PCDHGB1: variants seen among roughly 807,000 people sequenced by gnomAD.
The protein encoded by PCDHGB1 is protocadherin gamma-B1.
Under a neutral mutation model 56.6 loss-of-function variants are expected in PCDHGB1, and 34 were observed. The observed-to-expected ratio is 0.60, with a 90% CI of 0.46 to 0.80. The LOEUF is 0.80. PCDHGB1 is among the 30% of genes least tolerant of loss of function. PCDHGB1 has a pLI of 0.00. For missense variants in PCDHGB1, 1,278 were observed against 1,204.6 expected (o/e 1.06, Z -0.90); for synonymous variants, 561 against 505.9 (o/e 1.11, Z -1.46).
chr5:141,425,478 G>A (rs2096877750), intron 1 of PCDHGB1, among the ~76,000 whole-genome samples: 1 of 152,148 alleles, frequency 6.6e-6, no homozygotes, highest in Admixed American at 6.5e-5. Flanking sequence ...AATTCCTATG[G>A]CAACCTACTA....
chr5:141,491,685 G>A lies in PCDHGB1; in HGVS notation c.2410-3122G>A. 1 of 1,613,164 alleles carries A rather than the reference G, an allele frequency of 6.2e-7. No individual in the cohort carries two copies. The highest frequency in any genetic ancestry group is 8.5e-7 in the Non-Finnish European group (1 of 1,179,646). On this transcript the variant is annotated intron_variant, in intron 1 of 3. Transcript: ENST00000523390. The surrounding 1 kb of genome is among the most constrained non-coding windows in gnomAD (Gnocchi z 6.9). ...CCATCCGGTCCCGCTCTAATACGCTGCGGGAGCGGAGCCAGGTGAGGGGCT... is the reference window on the plus strand; with the variant it reads ...CCATCCGGTCCCGCTCTAATACGCTACGGGAGCGGAGCCAGGTGAGGGGCT...
At chr5:141,390,859 T>C (rs951468573) in intron 1 of PCDHGB1, 3 of 151,114 alleles carry the variant, frequency 2.0e-5, no homozygotes, top group Admixed American at 1.3e-4. Flanking sequence ...CAGTGTACGC[T>C]GTGTGTGCGT....
intron 1 of PCDHGB1, among the ~76,000 whole-genome samples, chr5:141,354,219 T>C (rs535697333): frequency 4.2e-4 from 64 of 152,356 alleles, no homozygotes; most frequent in African/African-American, 1.5e-3. Flanking sequence ...TTTTTATTTC[T>C]TTTTTATTTT....
At chr5:141,414,233 T>A in intron 1 of PCDHGB1, 1 of 1,613,474 alleles carries the variant, frequency 6.2e-7, no homozygotes, top group Non-Finnish European at 8.5e-7. Flanking sequence ...GAGCTGACCA[T>A]CACGTCTCTA....
intron 1 of PCDHGB1, among the ~76,000 whole-genome samples, chr5:141,358,000 G>A (rs1178466478): frequency 6.6e-6 from 1 of 152,102 alleles, no homozygotes; most frequent in African/African-American, 2.4e-5. Context: ...GACCAGTCTG[G>A]GCAACATGGT....
rs1236013576 is a variant in PCDHGB1 at position 141,375,392 on chromosome 5, A to G, written c.2409+22723A>G. On this transcript the variant is annotated intron_variant, in intron 1 of 3. Transcript: ENST00000523390. ...AACACCACCTCTGTCTACAGAAACA[A>G]TCATCTCTCTAAATGTGGCAGACAC... 33 of 1,613,850 alleles carry G rather than the reference A, an allele frequency of 2.0e-5. 1 individual carries two copies. Among genetic ancestry groups the G allele is most frequent in the African/African-American group, 4.0e-5 (3 of 74,932 alleles).
chr5:141,391,780 T>C (rs1004185174), intron 1 of PCDHGB1: 1 of 152,220 alleles, frequency 6.6e-6, no homozygotes, highest in Non-Finnish European at 1.5e-5. Context: ...TAGTCATTAC[T>C]TTTTGCAGTT....
chr5:141,364,962 T>G, intron 1 of PCDHGB1: 1 of 1,613,878 alleles, frequency 6.2e-7, no homozygotes, highest in South Asian at 1.1e-5. Context: ...CACGACCTCC[T>G]CCTCACAGCT....
intron 3 of PCDHGB1, among the ~76,000 whole-genome samples, chr5:141,509,345 G>A (rs1203328830): frequency 6.6e-6 from 1 of 152,196 alleles, no homozygotes; most frequent in Non-Finnish European, 1.5e-5. Flanking sequence ...GGCCTGGGCT[G>A]GCCTGGGCAT....
chr5:141,416,504 C>CA (rs1467352050), intron 1 of PCDHGB1: 4 of 152,040 alleles, frequency 2.6e-5, no homozygotes, highest in African/African-American at 9.7e-5. Context: ...AGATATATGA[C>CA]AAAGCTATTT....
At chr5:141,389,250 A>G (rs1365678326) in intron 1 of PCDHGB1, 16 of 1,614,012 alleles carry the variant, frequency 9.9e-6, no homozygotes, top group Middle Eastern at 1.6e-4. Flanking sequence ...GTCTTCCTAT[A>G]TAGTCCACGT....
intron 1 of PCDHGB1, chr5:141,422,041 G>A (rs371079504): frequency 2.1e-5 from 34 of 1,611,632 alleles, no homozygotes; most frequent in Non-Finnish European, 2.9e-5. Flanking sequence ...GGATCCAGAC[G>A]AGGGAATCAA....
At chr5:141,371,757 G>A in intron 1 of PCDHGB1, 1 of 1,614,002 alleles carries the variant, frequency 6.2e-7, no homozygotes, top group East Asian at 2.2e-5. Flanking sequence ...TTTCCACCAG[G>A]CCTCCTACAC....
At position 141,362,450 on chromosome 5, in the gene PCDHGB1, CG is replaced by C. The variant is rs749881682; in HGVS notation, c.2409+9783del. 9 of 1,614,050 alleles carry C rather than the reference CG, an allele frequency of 5.6e-6. No homozygotes were observed. The African/African-American group carries it at 1.2e-4, about 22-fold the overall frequency. ...GAGTTCAATTTTCTGAACATAACCC[CG>C]GAATTGGTTCCCGCGCAAGATCTCG... On this transcript the variant is annotated intron_variant, in intron 1 of 3. Coordinates refer to ENST00000523390, the MANE Select transcript of PCDHGB1 (RefSeq NM_018922.3).
intron 1 of PCDHGB1, among the ~76,000 whole-genome samples, chr5:141,381,364 G>T (rs1777146369): frequency 6.6e-6 from 1 of 152,216 alleles, no homozygotes; most frequent in Non-Finnish European, 1.5e-5. Context: ...GCAGAGGGTA[G>T]CCTCGGATCC....
At position 141,351,889 on chromosome 5, in the gene PCDHGB1, C is replaced by A. The variant is rs1758860540; in HGVS notation, c.1629C>A (p.Ser543Arg). 1 of 1,613,278 alleles carries A rather than the reference C, an allele frequency of 6.2e-7. No individual in the cohort carries two copies. The highest frequency in any genetic ancestry group is 8.5e-7 in the Non-Finnish European group (1 of 1,179,758). Residue 543 changes from serine (S) to arginine (R), a missense_variant, in exon 1 of 4, where the codon AGC (serine) becomes AGA (arginine). Coordinates refer to ENST00000523390, the MANE Select transcript of PCDHGB1 (RefSeq NM_018922.3). Reference sequence around the variant, plus strand: ...CCCCCGCGCTCAGCGCCAACGTGAGCCTGCGCGTGTTGGTGGGCGACCTCA... The same window carrying A: ...CCCCCGCGCTCAGCGCCAACGTGAGACTGCGCGTGTTGGTGGGCGACCTCA... ...QGSPALSANVSLRVLVGDLND... is the reference protein window; with the variant it reads ...QGSPALSANVRLRVLVGDLND...
chr5:141,478,364 G>A (rs1382073187), intron 1 of PCDHGB1: 2 of 1,613,660 alleles, frequency 1.2e-6, no homozygotes, highest in African/African-American at 2.7e-5. Flanking sequence ...CGTGCGGGGA[G>A]GCCTGATGTC....
rs1262352306 is a variant in PCDHGB1 at position 141,351,247 on chromosome 5, T to G, written c.987T>G (p.Val329=). 1.1e-5 allele frequency: 18 copies of G among 1,614,026 alleles called. No homozygotes were observed. The highest frequency in any genetic ancestry group is 1.4e-5 in the Non-Finnish European group (17 of 1,179,898). The change falls in exon 1 of 4, where the codon GTT becomes GTG. Residue 329 remains valine, a synonymous_variant. Transcript: ENST00000523390. ...GAGTACACACAGCTCACTGTAATGT[T>G]CAAATAGAAATTGTTGACGAGAATG... The part of the protein sequence containing the change: ...DGGVHTAHCN[V]QIEIVDENDN...
chr5:141,392,298 G>T (rs568188111), intron 1 of PCDHGB1: 3 of 152,090 alleles, frequency 2.0e-5, no homozygotes, highest in African/African-American at 7.2e-5. Flanking sequence ...GGAAATGAAA[G>T]TATCATGTTT....
Sources: gnomAD v4.1 joint callset for allele counts (sites outside exome capture counted in the v4.1 genomes callset) on GRCh38, gnomAD v4.1.1 for gene constraint, Gnocchi (gnomAD v3.1) non-coding constraint, MANE v1.5 for transcripts, NCBI Gene and HGNC (gene_info 2026-07-23, HGNC 2026-07-21) for gene names.